The following CLSTN1 variants were observed in gnomAD, a reference collection of about 807,000 sequenced individuals.
CLSTN1 encodes the protein calsyntenin-1.
CLSTN1 carries 28 observed loss-of-function variants against 108.3 expected under a neutral mutation model. The ratio of observed to expected loss-of-function variants is 0.26; its 90% CI spans 0.19 to 0.35. CLSTN1 has a LOEUF of 0.35. Among genes scored for constraint, CLSTN1 ranks in the 10% least tolerant of loss-of-function variants. The pLI is 1.00. For missense variants in CLSTN1, 1,157 were observed against 1,302.6 expected (o/e 0.89, Z 1.72); for synonymous variants, 524 against 534.9 (o/e 0.98, Z 0.28).
rs543757180 is a variant in CLSTN1, at chr1:9,750,158, A to AG, written c.650-246dup. 469 of 407,414 alleles carry AG rather than the reference A, an allele frequency of 1.2e-3. 1 individual carries two copies. The highest frequency in any genetic ancestry group is 1.2e-3 in the Non-Finnish European group (280 of 226,472). The allele number at this position is 407,414 out of a possible 1,614,324, so 25.2% of individuals were successfully genotyped here. The stretch of plus-strand genomic sequence containing the variant: ...CAGCTCAGTCTCCACTTACTCTCAC[A>AG]GTGTTACATTGGGCTTTACATTAAG... On this transcript the variant is annotated intron_variant, in intron 5 of 18. Coordinates refer to ENST00000377298, the MANE Select transcript of CLSTN1 (RefSeq NM_001009566.3).
chr1:9,760,695 T>TG (rs1213211277), intron 2 of CLSTN1, among the ~76,000 whole-genome samples: 5 of 147,398 alleles, frequency 3.4e-5, no homozygotes, highest in African/African-American at 1.3e-4. Flanking sequence ...TTTTTTTTTT[T>TG]TTTTTTTTTT....
rs577621693 is a variant in CLSTN1, at chr1:9,776,628, G to A, written c.92-3234C>T. On this transcript the variant is annotated intron_variant, in intron 1 of 18. Coordinates refer to ENST00000377298, the MANE Select transcript of CLSTN1 (RefSeq NM_001009566.3). ...TAACAAGCCTCCCTGTCCTTATCCC[G>A]GCACTTACTCGGCAGCCAGAGGGAA... 8.9e-4 allele frequency among the ~76,000 whole-genome samples: 136 copies of A among 152,084 alleles called. 3 individuals carry two copies. Among genetic ancestry groups the A allele is most frequent in the African/African-American group, 3.0e-3 (126 of 41,476 alleles).
rs1355248018 is a variant in CLSTN1 at position 9,733,520 on chromosome 1, C to T, written c.2308G>A (p.Glu770Lys). The change falls in exon 16 of 19, where the codon GAG becomes AAG. Residue 770 changes from glutamate to lysine, a missense_variant. Glu to Lys is a moderately conservative substitution (Grantham distance 56). Coordinates refer to ENST00000377298, the MANE Select transcript of CLSTN1 (RefSeq NM_001009566.3). ...CGATAGCGCAGCAGGTGCAAAACCT[C>T]CTCGTAGCTGGCCATGGTGTCCACG... Reference protein sequence around the residue: ...TGVDTMASYEEVLHLLRYRNW... With the variant: ...TGVDTMASYEKVLHLLRYRNW... 1.2e-6 allele frequency: 2 copies of T among 1,614,142 alleles called. No homozygotes were observed. Among genetic ancestry groups the T allele is most frequent in the Non-Finnish European group, 1.7e-6 (2 of 1,180,032 alleles).
chr1:9,796,830 A>G (rs1189544059), intron 1 of CLSTN1, among the ~76,000 whole-genome samples: 1 of 152,222 alleles, frequency 6.6e-6, no homozygotes, highest in African/African-American at 2.4e-5. Context: ...GCTCTGTTCA[A>G]CCATTACATC....
chr1:9,789,586 A>G (rs1653668954), intron 1 of CLSTN1, among the ~76,000 whole-genome samples: 2 of 151,610 alleles, frequency 1.3e-5, no homozygotes, highest in East Asian at 3.9e-4. Flanking sequence ...AATGCCAGAC[A>G]TCATATAACT....
intron 1 of CLSTN1, among the ~76,000 whole-genome samples, chr1:9,815,258 G>A (rs1043067010): frequency 2.0e-5 from 3 of 152,228 alleles, no homozygotes; most frequent in African/African-American, 7.2e-5. Context: ...GAAAAGGGTT[G>A]CTCTGTGAGC....
intron 1 of CLSTN1, among the ~76,000 whole-genome samples, chr1:9,801,927 A>ATTGGT (rs1654289367): frequency 6.6e-6 from 1 of 152,196 alleles, no homozygotes; most frequent in African/African-American, 2.4e-5. Context: ...TCTCTCATGA[A>ATTGGT]CACAGATGCA....
At chr1:9,789,025 C>T (rs1653637136) in intron 1 of CLSTN1, among the ~76,000 whole-genome samples, 1 of 151,340 alleles carries the variant, frequency 6.6e-6, no homozygotes, top group African/African-American at 2.4e-5. Context: ...CTTTTCGAGG[C>T]TGGATGATGT....
chr1:9,804,144 C>T (rs974171707), intron 1 of CLSTN1, among the ~76,000 whole-genome samples: 2 of 151,710 alleles, frequency 1.3e-5, no homozygotes, highest in African/African-American at 4.8e-5. Flanking sequence ...GGGCGGATCA[C>T]GAGGTCAAGA....
In CLSTN1 at chr1:9,754,799, G is replaced by A. The variant is rs976405610; in HGVS notation, c.440+315C>T. The stretch of plus-strand genomic sequence containing the variant: ...GAACCCAGGAGGCGGAGGTTGCGGC[G>A]AGCCAAGATCATGCCATTGCACTCC... On this transcript the variant is annotated intron_variant, in intron 4 of 18. Transcript: ENST00000377298. 3.9e-5 allele frequency among the ~76,000 whole-genome samples: 6 copies of A among 152,224 alleles called. No homozygotes were observed. In the South Asian group the frequency reaches 1.2e-3, roughly 32 times the overall value.
In CLSTN1 at chr1:9,795,395, A is replaced by G. The variant is rs190756542; in HGVS notation, c.92-22001T>C. Among the ~76,000 whole-genome samples, 4 of 151,132 alleles carry G rather than the reference A, an allele frequency of 2.6e-5. No homozygotes were observed. In the East Asian group the frequency reaches 8.0e-4, roughly 30 times the overall value. ...TGGTCAGGATGGTCTGAAACTCCCAACCTCAGGTGATCTGCCCGCCTCAGC... is the reference window on the plus strand; with the variant it reads ...TGGTCAGGATGGTCTGAAACTCCCAGCCTCAGGTGATCTGCCCGCCTCAGC... On this transcript the variant is annotated intron_variant, in intron 1 of 18. Coordinates refer to ENST00000377298, the MANE Select transcript of CLSTN1 (RefSeq NM_001009566.3).
At chr1:9,743,754 A>C (rs967784492) in intron 9 of CLSTN1, 130 bp downstream of exon 9, 13 of 911,256 alleles carry the variant, frequency 1.4e-5, no homozygotes, top group Non-Finnish European at 2.1e-5. Context: ...ACAGGATCTT[A>C]GTAATGTTGC....
Position 9,788,079 on chromosome 1 carries a change from AC to A in CLSTN1, c.92-14686del, listed in dbSNP as rs554067407. Among the ~76,000 whole-genome samples, 175 of 151,234 alleles carry A rather than the reference AC, an allele frequency of 1.2e-3. 2 individuals are homozygous for A. The Middle Eastern group carries it at 0.037, about 32-fold the overall frequency. On this transcript the variant is annotated intron_variant, in intron 1 of 18. Coordinates refer to ENST00000377298, the MANE Select transcript of CLSTN1 (RefSeq NM_001009566.3). ...AGATCAGCCCGGCCAACCTGGCGAG[AC>A]CCCGTCTCTACAAAAAATACAAAAA...
chr1:9,743,180 A>C (rs1396930920), intron 9 of CLSTN1, among the ~76,000 whole-genome samples: 2 of 152,224 alleles, frequency 1.3e-5, no homozygotes, highest in East Asian at 3.8e-4. Context: ...TTCTGATTTT[A>C]ATAGAGGGTT....
intron 1 of CLSTN1, among the ~76,000 whole-genome samples, chr1:9,820,271 G>A (rs940230057): frequency 1.3e-5 from 2 of 152,166 alleles, no homozygotes; most frequent in African/African-American, 2.4e-5. Context: ...TGTAATCTCA[G>A]CACTGTGGGA....
rs1300804345 is a variant in CLSTN1 at position 9,749,792 on chromosome 1, A to G, written c.771T>C (p.Ile257=). Residue 257 remains isoleucine (I), a synonymous_variant, in exon 6 of 19, where the codon ATT becomes ATC. Coordinates refer to ENST00000377298, the MANE Select transcript of CLSTN1 (RefSeq NM_001009566.3). ...ATEDVLVKIS[I]KPTCTPGWQG... ...GCCACCCAGGGGTGCAGGTGGGCTT[A>G]ATGCTGATCTTCACCAAAACATCTT... The G allele has an allele frequency of 6.2e-7, 1 of 1,614,200 alleles. No homozygotes were observed. Among genetic ancestry groups the G allele is most frequent in the Admixed American group, 1.7e-5 (1 of 60,012 alleles).
In CLSTN1 at chr1:9,782,790, T is replaced by C. The variant is rs181674740; in HGVS notation, c.92-9396A>G. Among the ~76,000 whole-genome samples, 1,192 of 151,762 alleles carry C rather than the reference T, an allele frequency of 7.9e-3. 16 individuals are homozygous for C. The highest frequency in any genetic ancestry group is 0.024 in the African/African-American group (1,009 of 41,396). The stretch of plus-strand genomic sequence containing the variant: ...GGGAGGCCAAGGCAAGCAGATCACC[T>C]GAGGTCAGGAGTTCAAGACCAACCT... On this transcript the variant is annotated intron_variant, in intron 1 of 18. Transcript: ENST00000377298.
chr1:9,749,694 A>C, intron 6 of CLSTN1, 48 bp from the exon 7 acceptor site: 1 of 1,610,122 alleles, frequency 6.2e-7, no homozygotes, highest in Non-Finnish European at 8.5e-7. Context: ...GAAAACACAC[A>C]CTCTAGGTTG....
intron 1 of CLSTN1, among the ~76,000 whole-genome samples, chr1:9,787,019 C>T (rs906052991): frequency 1.3e-5 from 2 of 151,232 alleles, no homozygotes; most frequent in African/African-American, 2.4e-5. Context: ...GTCCCAAGAA[C>T]GAAGTTGGGG....
Sources: allele counts gnomAD v4.1 joint callset (sites outside exome capture counted in the v4.1 genomes callset), GRCh38; gene constraint gnomAD v4.1.1; transcripts MANE v1.5; gene names NCBI Gene and HGNC (gene_info 2026-07-23, HGNC 2026-07-21).